CSMD1: variants seen among roughly 807,000 people sequenced by gnomAD.
The protein encoded by CSMD1 is CUB and Sushi multiple domains 1.
Under a neutral mutation model 417.5 loss-of-function variants are expected in CSMD1, and 213 were observed. The ratio of observed to expected loss-of-function variants is 0.51; its 90% CI spans 0.46 to 0.57. CSMD1 has a LOEUF of 0.57. Ranked by LOEUF, CSMD1 falls within the 20% of genes least tolerant of loss-of-function variation. CSMD1 has a pLI of 0.00. For synonymous variants in CSMD1, 2,862 were observed against 1,736.8 expected (o/e 1.65, Z -16.11); for missense variants, 6,923 against 4,529.7 (o/e 1.53, Z -15.17).
At chr8:3,493,489 C>G (rs1033821002) in intron 11 of CSMD1, 134 bp downstream of exon 11, 17 of 623,644 alleles carry the variant, frequency 2.7e-5, no homozygotes, top group Non-Finnish European at 4.8e-5. Flanking sequence ...AGATTGCAGG[C>G]CACTACATTA....
At chr8:4,432,757 G>A (rs919080822) in intron 2 of CSMD1, among the ~76,000 whole-genome samples, 4 of 152,122 alleles carry the variant, frequency 2.6e-5, no homozygotes, top group Admixed American at 2.0e-4. Context: ...GGGCCATAGA[G>A]GAAATAAAAA....
At chr8:4,524,654 G>T (rs1219234289) in intron 2 of CSMD1, among the ~76,000 whole-genome samples, 2 of 141,142 alleles carry the variant, frequency 1.4e-5, no homozygotes, top group Admixed American at 7.7e-5. Context: ...TCATGTTGAT[G>T]AAATAAATGT....
At chr8:3,965,763 A>G (rs2554504) in intron 5 of CSMD1, among the ~76,000 whole-genome samples, 71,925 of 151,624 alleles carry the variant, frequency 0.47, 17,484 homozygotes, top group East Asian at 0.67. Flanking sequence ...GACTACAGGC[A>G]TGTGACACCA....
chr8:4,631,827 G>A (rs1400939992), intron 2 of CSMD1, among the ~76,000 whole-genome samples: 4 of 152,096 alleles, frequency 2.6e-5, no homozygotes, highest in Admixed American at 6.5e-5. Context: ...TAGAAAGACC[G>A]ACGAACTCGA....
At chr8:3,063,332 C>T (rs1563296457) in intron 49 of CSMD1, among the ~76,000 whole-genome samples, 1 of 152,042 alleles carries the variant, frequency 6.6e-6, no homozygotes, top group Non-Finnish European at 1.5e-5. Flanking sequence ...AAAACGATAG[C>T]AAAAACTAGG....
intron 8 of CSMD1, among the ~76,000 whole-genome samples, chr8:3,606,182 G>A (rs564506704): frequency 2.0e-5 from 3 of 152,180 alleles, no homozygotes; most frequent in Admixed American, 2.0e-4. Flanking sequence ...GGTGGGGGAG[G>A]ACAGAGATGG....
intron 11 of CSMD1, among the ~76,000 whole-genome samples, chr8:3,493,381 G>C (rs940561036): frequency 1.3e-5 from 2 of 150,542 alleles, no homozygotes; most frequent in African/African-American, 4.9e-5. Flanking sequence ...CTAATTTTTT[G>C]CCATAAACAT....
At position 4,574,650 on chromosome 8, in the gene CSMD1, T is replaced by A. The variant is rs192808278; in HGVS notation, c.302+62692A>T. ...ACATTAATGGGAGACACTTAAAGAA[T>A]TCTGAATCTTTGAATTAGCTATACG... On this transcript the variant is annotated intron_variant, in intron 2 of 69. Transcript: ENST00000635120. 1.1e-4 allele frequency among the ~76,000 whole-genome samples: 16 copies of A among 152,308 alleles called. No individual in the cohort carries two copies. In the East Asian group the frequency reaches 3.1e-3, roughly 29 times the overall value.
At chr8:4,276,032 A>G (rs1350119358) in intron 3 of CSMD1, among the ~76,000 whole-genome samples, 1 of 152,224 alleles carries the variant, frequency 6.6e-6, no homozygotes, top group Non-Finnish European at 1.5e-5. Flanking sequence ...GGGAGTGTAA[A>G]TTAGTTCAAC....
chr8:4,209,338 G>T (rs576965889), intron 3 of CSMD1, among the ~76,000 whole-genome samples: 23 of 152,256 alleles, frequency 1.5e-4, no homozygotes, highest in Admixed American at 1.3e-3. Context: ...CAAACTCACA[G>T]GGACAGAAAG....
chr8:3,831,528 G>A (rs1411284105), intron 5 of CSMD1, among the ~76,000 whole-genome samples: 1 of 151,472 alleles, frequency 6.6e-6, no homozygotes, highest in Non-Finnish European at 1.5e-5. Flanking sequence ...TGGAGAACAG[G>A]CTGGAGGAAA....
intron 3 of CSMD1, among the ~76,000 whole-genome samples, chr8:4,248,896 T>A (rs945637036): frequency 1.3e-5 from 2 of 151,306 alleles, no homozygotes; most frequent in Non-Finnish European, 2.9e-5. Context: ...GAAAAAAAAA[T>A]CCATTTAGAC....
At chr8:3,672,816 G>T (rs1197898155) in intron 7 of CSMD1, among the ~76,000 whole-genome samples, 1 of 152,126 alleles carries the variant, frequency 6.6e-6, no homozygotes, top group African/African-American at 2.4e-5. Context: ...TTTTCCAGCA[G>T]CACATTACCA....
intron 3 of CSMD1, among the ~76,000 whole-genome samples, chr8:4,093,604 C>T (rs886643277): frequency 2.0e-5 from 3 of 151,936 alleles, no homozygotes; most frequent in African/African-American, 4.8e-5. Context: ...ATGCTTTTTC[C>T]CTATTTGAAA....
chr8:3,564,515 A>AC, intron 10 of CSMD1, among the ~76,000 whole-genome samples: 1 of 46,746 alleles, frequency 2.1e-5, no homozygotes, highest in Non-Finnish European at 4.7e-5. Flanking sequence ...TCCACAGTAT[A>AC]TTTGTGTGTG....
chr8:4,743,403 G>C (rs375873071), intron 1 of CSMD1, among the ~76,000 whole-genome samples: 1 of 152,128 alleles, frequency 6.6e-6, no homozygotes, highest in East Asian at 1.9e-4. Flanking sequence ...AACACAGGGA[G>C]TGGTATCTTC....
At chr8:3,602,101 T>C (rs1055239259) in intron 8 of CSMD1, among the ~76,000 whole-genome samples, 2 of 152,184 alleles carry the variant, frequency 1.3e-5, no homozygotes, top group Non-Finnish European at 2.9e-5. Flanking sequence ...ATGAATGTGT[T>C]AACACCATTG....
intron 25 of CSMD1, among the ~76,000 whole-genome samples, chr8:3,298,970 C>T (rs947177134): frequency 2.0e-5 from 3 of 152,148 alleles, no homozygotes; most frequent in Admixed American, 2.0e-4. Context: ...GAAGCTTACA[C>T]AGAAAAACAA....
chr8:3,542,283 T>C (rs926893682), intron 10 of CSMD1, among the ~76,000 whole-genome samples: 2 of 152,176 alleles, frequency 1.3e-5, no homozygotes, highest in Admixed American at 6.5e-5. Flanking sequence ...CTGAAGATGG[T>C]TCATTCATTC....
Sources: gnomAD v4.1 joint callset for allele counts (sites outside exome capture counted in the v4.1 genomes callset) on GRCh38, gnomAD v4.1.1 for gene constraint, MANE v1.5 for transcripts, NCBI Gene and HGNC (gene_info 2026-07-23, HGNC 2026-07-21) for gene names.